The following ABCA12 variants were observed in gnomAD, a reference collection of about 807,000 sequenced individuals.
ABCA12 encodes ATP binding cassette subfamily A member 12.
In ABCA12, 156 loss-of-function variants were observed where a neutral mutation model predicts 293.5. The observed-to-expected ratio is 0.53, with a 90% CI of 0.47 to 0.61. The LOEUF is 0.61. Ranked by LOEUF, ABCA12 falls within the 20% of genes least tolerant of loss-of-function variation. ABCA12 has a pLI of 0.00. For missense variants in ABCA12, 2,797 were observed against 3,090.2 expected (o/e 0.91, Z 2.25); for synonymous variants, 1,063 against 1,108.0 (o/e 0.96, Z 0.81).
At position 215,138,308 on chromosome 2, in the gene ABCA12, AC is replaced by A. The variant is rs1703275630; in HGVS notation, c.-101del. Reference sequence around the variant, plus strand: ...ACTTGCTGTATGTCAGTGTATCAGTACCCCTTTCACGGCATAGCTTCCTTGA... The same window carrying A: ...ACTTGCTGTATGTCAGTGTATCAGTACCCTTTCACGGCATAGCTTCCTTGA... On this transcript the variant is annotated 5_prime_UTR_variant, in exon 1 of 53. Transcript: ENST00000272895. The A allele has an allele frequency of 8.2e-7, 1 of 1,225,570 alleles. No individual in the cohort carries two copies. The highest frequency in any genetic ancestry group is 1.7e-5 in the Admixed American group (1 of 59,324). 75.9% of individuals were successfully genotyped at this position (1,225,570 alleles called of 1,614,324 possible). A position where few individuals can be genotyped will look rare whatever the true frequency, so the allele number is the denominator to read the frequency against.
At chr2:214,952,016 T>C (rs1373845528) in intron 44 of ABCA12, among the ~76,000 whole-genome samples, 1 of 151,618 alleles carries the variant, frequency 6.6e-6, no homozygotes, top group East Asian at 1.9e-4. Context: ...TCCAAACTCA[T>C]TAAGTCCCAA....
At chr2:214,988,527 A>C (rs965481807) in intron 26 of ABCA12, among the ~76,000 whole-genome samples, 3 of 152,200 alleles carry the variant, frequency 2.0e-5, no homozygotes, top group Non-Finnish European at 4.4e-5. Context: ...CATGTATAAC[A>C]CCAAAAAATG....
rs183714218 is a variant in ABCA12 at position 215,114,194 on chromosome 2, T to C, written c.70-2504A>G. Among the ~76,000 whole-genome samples the C allele has an allele frequency of 1.6e-4, 24 of 152,318 alleles. No individual in the cohort carries two copies. In the East Asian group the frequency reaches 1.9e-3, roughly 12 times the overall value. ...CTCACCATGTAGGCCAGGATGGTCTTGATCTCTTGACCTCATAATCTGCCC... is the reference window on the plus strand; with the variant it reads ...CTCACCATGTAGGCCAGGATGGTCTCGATCTCTTGACCTCATAATCTGCCC... On this transcript the variant is annotated intron_variant, in intron 1 of 52. Coordinates refer to ENST00000272895, the MANE Select transcript of ABCA12 (RefSeq NM_173076.3).
intron 34 of ABCA12, among the ~76,000 whole-genome samples, chr2:214,975,382 G>T (rs889052674): frequency 1.3e-5 from 2 of 152,164 alleles, no homozygotes; most frequent in African/African-American, 4.8e-5. Context: ...TCACCTAATT[G>T]TCACATGCAT....
chr2:215,000,975 T>C lies in ABCA12; in HGVS notation c.2909A>G (p.Tyr970Cys). The C allele has an allele frequency of 6.2e-7, 1 of 1,614,084 alleles. No individual in the cohort carries two copies. Among genetic ancestry groups the C allele is most frequent in the East Asian group, 2.2e-5 (1 of 44,876 alleles). ...LPSNRSWHRG[Y>C]DSGNVFLPPV... ...AGGAAGAAAGACATTTCCAGAGTCA[T>C]AGCCTCTGTGCCAGCTTCTGTTAGA... Residue 970 changes from tyrosine to cysteine, a missense_variant, in exon 22 of 53, where the codon TAT (tyrosine) becomes TGT (cysteine). Transcript: ENST00000272895.
chr2:215,056,155 A>C (rs1559170295), intron 3 of ABCA12, among the ~76,000 whole-genome samples: 1 of 152,062 alleles, frequency 6.6e-6, no homozygotes, highest in Non-Finnish European at 1.5e-5. Context: ...GAGAAAATAG[A>C]CTCAATAATG....
chr2:215,133,494 A>AG (rs1248320456), intron 1 of ABCA12, among the ~76,000 whole-genome samples: 1 of 152,048 alleles, frequency 6.6e-6, no homozygotes, highest in Non-Finnish European at 1.5e-5. Flanking sequence ...CTAGTCTTTC[A>AG]GCCTGCAATC....
chr2:215,024,380 A>C (rs1223711096), intron 11 of ABCA12, among the ~76,000 whole-genome samples: 2 of 152,180 alleles, frequency 1.3e-5, no homozygotes, highest in African/African-American at 4.8e-5. Context: ...ATAATTGATA[A>C]AAAAATGAAC....
At chr2:215,119,752 A>AAAAC (rs1203424589) in intron 1 of ABCA12, among the ~76,000 whole-genome samples, 1 of 142,966 alleles carries the variant, frequency 7.0e-6, no homozygotes, top group African/African-American at 2.9e-5. Context: ...AAAAAAAAAA[A>AAAAC]TGAAAACAAA....
intron 2 of ABCA12, among the ~76,000 whole-genome samples, chr2:215,069,673 T>C (rs1256272073): frequency 2.6e-5 from 4 of 151,944 alleles, no homozygotes; most frequent in Non-Finnish European, 4.4e-5. Context: ...TGAGGGGAGG[T>C]GTCCTGTCCA....
chr2:214,962,467 A>G (rs191120251), intron 39 of ABCA12: 6 of 152,302 alleles, frequency 3.9e-5, no homozygotes, highest in Non-Finnish European at 8.8e-5. Context: ...ATGAATGGCA[A>G]TGCTTTTGCC....
chr2:215,036,967 T>A lies in ABCA12; in HGVS notation c.971A>T (p.Asp324Val). The change falls in exon 8 of 53, where the codon GAC becomes GTC. Residue 324 changes from aspartate to valine, a missense_variant. Physicochemically the swap from Asp to Val is radical, Grantham distance 152 (BLOSUM62 -3). Transcript: ENST00000272895. ...AAATATAATACCTTGAGCTGGGGAG[T>A]CCAGAGTGTACAGCAGATGTTTAAC... ...KSVKHLLYTL[D>V]SPAQGDSDNI... 6.2e-7 allele frequency: 1 copy of A among 1,613,590 alleles called. No homozygotes were observed.
chr2:215,001,635 C>T lies in ABCA12; in HGVS notation c.2786G>A (p.Arg929His), dbSNP rs755121638. 1.5e-5 allele frequency: 25 copies of T among 1,613,556 alleles called. No homozygotes were observed. Among genetic ancestry groups the T allele is most frequent in the East Asian group, 2.2e-5 (1 of 44,816 alleles). The change falls in exon 21 of 53, where the codon CGT becomes CAT. Residue 929 changes from arginine to histidine, a missense_variant. By Grantham distance (29) the Arg-to-His change is conservative. Transcript: ENST00000272895. ...VNISSCVLYDRIQAAKTIDEM... is the reference protein window; with the variant it reads ...VNISSCVLYDHIQAAKTIDEM... ...ATCTATGGTTTTTGCTGCCTGAATA[C>T]GGTCATATAATACACAAGAGGAAAT...
At chr2:214,990,619 T>C (rs1699890239) in intron 24 of ABCA12, 83 bp downstream of exon 24, 1 of 1,407,872 alleles carries the variant, frequency 7.1e-7, no homozygotes, top group South Asian at 1.2e-5. Flanking sequence ...TAAGTGAACT[T>C]TCAGTCTGAG....
intron 31 of ABCA12, among the ~76,000 whole-genome samples, chr2:214,980,069 T>C (rs1440222559): frequency 6.6e-6 from 1 of 152,220 alleles, no homozygotes. Flanking sequence ...TATTTGCTTT[T>C]GATAAAGCAG....
At chr2:215,078,551 G>T (rs1701877022) in intron 2 of ABCA12, among the ~76,000 whole-genome samples, 1 of 152,136 alleles carries the variant, frequency 6.6e-6, no homozygotes, top group African/African-American at 2.4e-5. Context: ...CCCCTTTGTT[G>T]TTTATTCCTG....
intron 2 of ABCA12, among the ~76,000 whole-genome samples, chr2:215,072,538 T>C (rs1054866109): frequency 1.3e-5 from 2 of 152,136 alleles, no homozygotes; most frequent in Non-Finnish European, 2.9e-5. Flanking sequence ...CCCAGAAGAC[T>C]CCATAACCCC....
intron 2 of ABCA12, among the ~76,000 whole-genome samples, chr2:215,085,190 C>G (rs1328879203): frequency 6.6e-6 from 1 of 151,790 alleles, no homozygotes; most frequent in Non-Finnish European, 1.5e-5. Flanking sequence ...GTGTAAGAAG[C>G]TTTTGCTATA....
At chr2:215,059,910 T>C (rs1254104483) in intron 3 of ABCA12, among the ~76,000 whole-genome samples, 3 of 152,044 alleles carry the variant, frequency 2.0e-5, no homozygotes, top group African/African-American at 7.2e-5. Flanking sequence ...AATTCTGGCA[T>C]TCTTTCTCCA....
Sources: gnomAD v4.1 joint callset for allele counts (sites outside exome capture counted in the v4.1 genomes callset) on GRCh38, gnomAD v4.1.1 for gene constraint, MANE v1.5 for transcripts, NCBI Gene and HGNC (gene_info 2026-07-23, HGNC 2026-07-21) for gene names.